The following KANSL1 variants were observed in gnomAD, a reference collection of about 807,000 sequenced individuals.
KANSL1 encodes MLL1/MLL complex subunit KANSL1.
KANSL1 carries 22 observed loss-of-function variants against 103.6 expected under a neutral mutation model. That is an observed-to-expected ratio of 0.21 (90% confidence interval 0.15 to 0.30). The LOEUF (loss-of-function observed/expected upper bound fraction) is 0.30. Among genes scored for constraint, KANSL1 ranks in the 10% least tolerant of loss-of-function variants. The probability of loss-of-function intolerance (pLI) is 1.00; values close to 1 mark genes in which losing one functional copy is unlikely to be tolerated. For synonymous variants in KANSL1, 600 were observed against 527.6 expected, an observed-to-expected ratio of 1.14 and a Z score of -1.88; for missense variants, 1,337 against 1,399.8, an observed-to-expected ratio of 0.96 and a Z score of 0.72.
intron 1 of KANSL1, among the ~76,000 whole-genome samples, chr17:46,173,863 G>GT (rs1278037946): frequency 6.6e-6 from 1 of 152,236 alleles, no homozygotes; most frequent in Non-Finnish European, 1.5e-5. Flanking sequence ...GAAAGGGAAA[G>GT]TATGCATAAA....
At chr17:46,216,157 A>G (rs1253958977) in intron 1 of KANSL1, among the ~76,000 whole-genome samples, 2 of 152,248 alleles carry the variant, frequency 1.3e-5, no homozygotes, top group Admixed American at 6.5e-5. Flanking sequence ...TCAGAGCTGG[A>G]AAAACACACA....
chr17:46,060,120 T>C (rs1205064058), intron 6 of KANSL1, among the ~76,000 whole-genome samples: 1 of 152,232 alleles, frequency 6.6e-6, no homozygotes, highest in Admixed American at 6.5e-5. Context: ...AAATACTCAA[T>C]TTAATACTTA....
chr17:46,106,757 GA>G (rs1312447310), intron 2 of KANSL1, among the ~76,000 whole-genome samples: 1 of 152,122 alleles, frequency 6.6e-6, no homozygotes, highest in Non-Finnish European at 1.5e-5. Context: ...CCATCTTCAA[GA>G]AAATGAGTTG....
chr17:46,084,614 G>A (rs1474098234), intron 3 of KANSL1, among the ~76,000 whole-genome samples: 2 of 148,990 alleles, frequency 1.3e-5, no homozygotes, highest in East Asian at 2.0e-4. Flanking sequence ...CCTGGGAGGT[G>A]TAGGTTGCAG....
chr17:46,197,049 G>T (rs2047633905), upstream of KANSL1, among the ~76,000 whole-genome samples: 1 of 152,204 alleles, frequency 6.6e-6, no homozygotes, highest in Non-Finnish European at 1.5e-5. Flanking sequence ...AGGAGGTCAA[G>T]GCTGCAGTGA....
At chr17:46,137,122 T>C (rs1421716750) in intron 2 of KANSL1, among the ~76,000 whole-genome samples, 1 of 152,182 alleles carries the variant, frequency 6.6e-6, no homozygotes, top group Non-Finnish European at 1.5e-5. Context: ...CCCCCCAAAA[T>C]TGTTTATCTC....
At chr17:46,185,688 TATATACACACACACAC>T in intron 1 of KANSL1, among the ~76,000 whole-genome samples, 3 of 62,348 alleles carry the variant, frequency 4.8e-5, no homozygotes, top group Middle Eastern at 0.018. Context: ...TACACACACA[TATATACACACACACAC>T]ACACACACAC....
chr17:46,043,098 A>G (rs1171463380), intron 7 of KANSL1: 1 of 152,178 alleles, frequency 6.6e-6, no homozygotes, highest in African/African-American at 2.4e-5. Flanking sequence ...AGCTGGGCTG[A>G]GCTGGAATGT....
chr17:46,122,334 A>T (rs1036390879), intron 2 of KANSL1, among the ~76,000 whole-genome samples: 14 of 152,248 alleles, frequency 9.2e-5, no homozygotes, highest in African/African-American at 3.4e-4. Context: ...GCCACAAAGC[A>T]TACCACACTT....
At chr17:46,094,777 T>C (rs2041991310) in intron 2 of KANSL1, 76 bp from the exon 3 acceptor site, 3 of 1,569,416 alleles carry the variant, frequency 1.9e-6, no homozygotes, top group Non-Finnish European at 2.6e-6. Context: ...GGGAGTGGAA[T>C]TTAACTTTTA....
intron 7 of KANSL1, chr17:46,041,173 C>T (rs944119692): frequency 1.3e-5 from 2 of 152,196 alleles, no homozygotes; most frequent in African/African-American, 4.8e-5. Context: ...TGTGAAACTA[C>T]TTCGTTATAG....
intron 2 of KANSL1, among the ~76,000 whole-genome samples, chr17:46,115,523 A>T (rs1441168438): frequency 6.6e-6 from 1 of 152,190 alleles, no homozygotes; most frequent in Non-Finnish European, 1.5e-5. Context: ...AATCCCAAGG[A>T]AAGTATACAT....
intron 1 of KANSL1, among the ~76,000 whole-genome samples, chr17:46,201,327 C>G (rs2047798734): frequency 6.6e-6 from 1 of 152,188 alleles, no homozygotes; most frequent in South Asian, 2.1e-4. Flanking sequence ...TATGCAGGAG[C>G]AACTTTTTTG....
intron 1 of KANSL1, among the ~76,000 whole-genome samples, chr17:46,183,487 C>T (rs1304359335): frequency 6.6e-6 from 1 of 152,050 alleles, no homozygotes; most frequent in Non-Finnish European, 1.5e-5. Flanking sequence ...TCGCAGTGAG[C>T]TGTTATCACG....
chr17:46,168,661 T>C (rs1024059693), intron 2 of KANSL1, among the ~76,000 whole-genome samples: 1 of 152,188 alleles, frequency 6.6e-6, no homozygotes, highest in African/African-American at 2.4e-5. Flanking sequence ...CTAAATACAA[T>C]TACAATGTGC....
intron 2 of KANSL1, among the ~76,000 whole-genome samples, chr17:46,096,173 A>G (rs2042055297): frequency 6.9e-6 from 1 of 145,934 alleles, no homozygotes; most frequent in African/African-American, 2.5e-5. Context: ...AGGGTCTCAC[A>G]CTCTATCATT....
chr17:46,115,277 C>T (rs1459136753), intron 2 of KANSL1, among the ~76,000 whole-genome samples: 1 of 152,160 alleles, frequency 6.6e-6, no homozygotes, highest in East Asian at 1.9e-4. Flanking sequence ...CCAGGCTGGT[C>T]TCACACTGCT....
intron 2 of KANSL1, among the ~76,000 whole-genome samples, chr17:46,135,542 A>ATTTTTTTTTTTTTTTTTTTT: frequency 8.4e-6 from 1 of 119,076 alleles, no homozygotes; most frequent in Non-Finnish European, 1.7e-5. Context: ...TCAACTATAC[A>ATTTTTTTTTTTTTTTTTTTT]TTTTTTTTTT....
intron 2 of KANSL1, among the ~76,000 whole-genome samples, chr17:46,118,467 C>T (rs1165802125): frequency 1.3e-5 from 2 of 152,190 alleles, no homozygotes; most frequent in Non-Finnish European, 2.9e-5. Context: ...GTTGGAAGCC[C>T]TACACTAGAG....
Sources: allele counts gnomAD v4.1 joint callset (sites outside exome capture counted in the v4.1 genomes callset), GRCh38; gene constraint gnomAD v4.1.1; transcripts MANE v1.5; gene names NCBI Gene and HGNC (gene_info 2026-07-23, HGNC 2026-07-21).